The following SHANK2 variants were observed in gnomAD, a reference collection of about 807,000 sequenced individuals.
The protein encoded by SHANK2 is SH3 and multiple ankyrin repeat domains protein 2.
SHANK2 carries 43 observed loss-of-function variants against 133.7 expected under a neutral mutation model. That is an observed-to-expected ratio of 0.32 (90% CI 0.25 to 0.41). The LOEUF (loss-of-function observed/expected upper bound fraction) is 0.41, where lower values mean the gene tolerates loss of function less well. SHANK2 is among the 10% of genes least tolerant of loss of function. The probability of loss-of-function intolerance (pLI) is 1.00; values close to 1 mark genes in which losing one functional copy is unlikely to be tolerated. For missense variants in SHANK2, 1,994 were observed against 2,235.8 expected (o/e 0.89, Z 2.18); for synonymous variants, 1,017 against 952.8 (o/e 1.07, Z -1.24).
intron 12 of SHANK2, among the ~76,000 whole-genome samples, chr11:70,808,139 C>T (rs1948202761): frequency 6.6e-6 from 1 of 152,152 alleles, no homozygotes; most frequent in African/African-American, 2.4e-5. Context: ...CTGAACTGTG[C>T]ACTTCAAAAT....
At chr11:70,484,899 C>T (rs1316394997) in intron 25 of SHANK2, among the ~76,000 whole-genome samples, 8 of 152,156 alleles carry the variant, frequency 5.3e-5, no homozygotes, top group Non-Finnish European at 1.2e-4. Context: ...CCCACCCACT[C>T]GCTGCCCTCT....
intron 6 of SHANK2, among the ~76,000 whole-genome samples, chr11:71,099,945 A>G (rs1359776961): frequency 1.3e-5 from 2 of 151,612 alleles, no homozygotes; most frequent in Non-Finnish European, 2.9e-5. Flanking sequence ...GCTACTCAGG[A>G]GGCTGAAGCA....
intron 17 of SHANK2, among the ~76,000 whole-genome samples, chr11:70,652,365 T>C (rs2061348122): frequency 6.6e-6 from 1 of 152,232 alleles, no homozygotes; most frequent in African/African-American, 2.4e-5. Context: ...GTGTGCCCTG[T>C]GACTGCTACA....
rs190444665 is a variant in SHANK2, at chr11:70,519,602, G to A, written c.2062-16671C>T. 4.0e-5 allele frequency among the ~76,000 whole-genome samples: 6 copies of A among 151,860 alleles called. No homozygotes were observed. The East Asian group carries it at 5.8e-4, about 15-fold the overall frequency. On this transcript the variant is annotated intron_variant, in intron 17 of 25. Transcript: ENST00000601538. ...GCGGAGGTTGCCATAAGCCGAGATC[G>A]CACCATTGCACTCCAGCCTGGGCAA...
At chr11:70,671,006 G>A (rs1338645087) in intron 15 of SHANK2, among the ~76,000 whole-genome samples, 4 of 152,216 alleles carry the variant, frequency 2.6e-5, no homozygotes, top group Non-Finnish European at 5.9e-5. Context: ...CGCCCTGCCC[G>A]GCGCTTATTA....
At chr11:70,507,612 G>T (rs1476955488) in intron 17 of SHANK2, among the ~76,000 whole-genome samples, 1 of 152,136 alleles carries the variant, frequency 6.6e-6, no homozygotes, top group Non-Finnish European at 1.5e-5. Flanking sequence ...TGGCCATCCC[G>T]TCTGTCACCA....
At chr11:70,661,507 ACACACACAC>A (rs2061488933) in intron 16 of SHANK2, 80 bp downstream of exon 16, 5 of 79,356 alleles carry the variant, frequency 6.3e-5, no homozygotes, top group Non-Finnish European at 1.2e-4. Flanking sequence ...GTATACACAC[ACACACACAC>A]ACACACACAC....
chr11:70,753,827 T>TGTGTGTGTGTGTG (rs1555038016), intron 14 of SHANK2, among the ~76,000 whole-genome samples: 3 of 151,684 alleles, frequency 2.0e-5, no homozygotes, highest in Non-Finnish European at 4.4e-5. Context: ...TGTGTGTGTG[T>TGTGTGTGTGTGTG]TTGAGACAGA....
At chr11:70,862,708 G>A (rs113618164) in intron 11 of SHANK2, 269 of 187,104 alleles carry the variant, frequency 1.4e-3, no homozygotes, top group African/African-American at 6.2e-3. Context: ...TCAGGCTTCC[G>A]GCTTGAGTGG....
chr11:70,490,945 C>A (rs1423889108), intron 22 of SHANK2, among the ~76,000 whole-genome samples: 4 of 152,234 alleles, frequency 2.6e-5, no homozygotes, highest in African/African-American at 9.6e-5. Flanking sequence ...CTTAAGCAAG[C>A]CCTGGAGCTG....
chr11:71,059,961 G>A (rs900587454), intron 9 of SHANK2, among the ~76,000 whole-genome samples: 4 of 152,182 alleles, frequency 2.6e-5, no homozygotes, highest in Non-Finnish European at 4.4e-5. Context: ...GGAAGTGAGT[G>A]TGGACCGCTC....
intron 17 of SHANK2, among the ~76,000 whole-genome samples, chr11:70,644,594 C>T (rs949776034): frequency 2.6e-5 from 4 of 152,234 alleles, no homozygotes; most frequent in African/African-American, 7.2e-5. Flanking sequence ...CAGCTCCCGC[C>T]TGCTGCAAAT....
intron 2 of SHANK2, among the ~76,000 whole-genome samples, chr11:71,198,454 G>T (rs1335532680): frequency 6.6e-6 from 1 of 152,194 alleles, no homozygotes; most frequent in Admixed American, 6.5e-5. Context: ...GGTCTCTAGC[G>T]GGGCCTCCAA....
chr11:71,220,422 G>A, intron 2 of SHANK2, among the ~76,000 whole-genome samples: 1 of 152,120 alleles, frequency 6.6e-6, no homozygotes, highest in East Asian at 1.9e-4. Flanking sequence ...TTCCATTTCT[G>A]GGGGTAGGTA....
rs1340444926 is a variant in SHANK2 at position 70,739,801 on chromosome 11, CAG to C, written c.1778-41040_1778-41039del. 6.6e-6 allele frequency among the ~76,000 whole-genome samples: 1 copy of C among 152,216 alleles called. No homozygotes were observed. The highest frequency in any genetic ancestry group is 1.5e-5 in the Non-Finnish European group (1 of 68,038). On this transcript the variant is annotated intron_variant, in intron 14 of 25. Transcript: ENST00000601538. This position sits in a 1 kb window ranked among gnomAD's most constrained non-coding sequence, Gnocchi z 4.3. ...TGTGATGGGCCCTCATCCAGCATGA[CAG>C]TGTCTTTGTAAGACAAGGAGAGCCA...
chr11:70,519,293 G>A (rs1554970605), intron 17 of SHANK2, among the ~76,000 whole-genome samples: 1 of 152,134 alleles, frequency 6.6e-6, no homozygotes, highest in African/African-American at 2.4e-5. Context: ...GATACGGGCC[G>A]GATACTCGCC....
At chr11:70,938,029 T>C (rs1950594629) in intron 10 of SHANK2, among the ~76,000 whole-genome samples, 1 of 152,208 alleles carries the variant, frequency 6.6e-6, no homozygotes, top group Admixed American at 6.5e-5. Flanking sequence ...TATTTTTTTC[T>C]GGCATGTCCT....
chr11:70,868,400 T>C (rs1301012237), intron 11 of SHANK2, among the ~76,000 whole-genome samples: 2 of 152,194 alleles, frequency 1.3e-5, no homozygotes, highest in African/African-American at 4.8e-5. Context: ...GAAATAATAC[T>C]ATAATAAACA....
chr11:71,100,739 C>T (rs908059908), intron 6 of SHANK2, among the ~76,000 whole-genome samples: 22 of 152,082 alleles, frequency 1.4e-4, no homozygotes, highest in Admixed American at 1.3e-4. Context: ...TGGTGGCACA[C>T]GCCTGTAGTC....
Sources: gnomAD v4.1 joint callset for allele counts (sites outside exome capture counted in the v4.1 genomes callset) on GRCh38, gnomAD v4.1.1 for gene constraint, Gnocchi (gnomAD v3.1) non-coding constraint, MANE v1.5 for transcripts, NCBI Gene and HGNC (gene_info 2026-07-23, HGNC 2026-07-21) for gene names.